The following SVOPL variants were observed in gnomAD, a reference collection of about 807,000 sequenced individuals.
SVOPL encodes SVOP like.
SVOPL carries 60 observed loss-of-function variants against 61.0 expected under a neutral mutation model. The ratio of observed to expected loss-of-function variants is 0.98; its 90% CI spans 0.80 to 1.22. The LOEUF (loss-of-function observed/expected upper bound fraction) is 1.22, where lower values mean the gene tolerates loss of function less well. Among genes scored for constraint, SVOPL ranks in the 50% most tolerant of loss-of-function variants. SVOPL has a pLI of 0.00. For missense variants in SVOPL, 662 were observed against 643.9 expected, an observed-to-expected ratio of 1.03 and a Z score of -0.30; for synonymous variants, 279 against 250.0, an observed-to-expected ratio of 1.12 and a Z score of -1.09.
intron 14 of SVOPL, among the ~76,000 whole-genome samples, chr7:138,618,952 G>A (rs969479016): frequency 6.6e-6 from 1 of 152,152 alleles, no homozygotes; most frequent in African/African-American, 2.4e-5. Flanking sequence ...GTCCCAGCTG[G>A]GTTCTTTCCT....
intron 14 of SVOPL, among the ~76,000 whole-genome samples, chr7:138,615,560 C>CAA (rs770404185): frequency 0.016 from 86 of 5,528 alleles, 20 homozygotes; most frequent in African/African-American, 0.025. Context: ...ACTCCGTCTC[C>CAA]AAAAAAAAAA....
chr7:138,642,831 C>CAAAAAAAAAAAAAAAAAAAAAAAAAAA (rs749603417), intron 9 of SVOPL, among the ~76,000 whole-genome samples: 6 of 26,908 alleles, frequency 2.2e-4, no homozygotes, highest in South Asian at 2.0e-3. Context: ...CTCCTACCTC[C>CAAAAAAAAAAAAAAAAAAAAAAAAAAA]AAAAAAAAAA....
chr7:138,635,571 T>C (rs1408353545), intron 9 of SVOPL, among the ~76,000 whole-genome samples: 1 of 151,764 alleles, frequency 6.6e-6, no homozygotes, highest in African/African-American at 2.4e-5. Context: ...AAATATGAGA[T>C]TTACACACTT....
chr7:138,646,116 C>T (rs1801097020), intron 8 of SVOPL: 1 of 193,068 alleles, frequency 5.2e-6, no homozygotes, highest in Non-Finnish European at 1.1e-5. Flanking sequence ...GCCCGGCTGG[C>T]TTGTTTTTCT....
chr7:138,653,492 G>C (rs1801536527), intron 7 of SVOPL, among the ~76,000 whole-genome samples: 1 of 152,006 alleles, frequency 6.6e-6, no homozygotes, highest in African/African-American at 2.4e-5. Context: ...AATATCCTAG[G>C]GCCCTTAAGA....
intron 4 of SVOPL, among the ~76,000 whole-genome samples, chr7:138,670,428 C>T (rs1802386205): frequency 6.6e-6 from 1 of 152,122 alleles, no homozygotes; most frequent in African/African-American, 2.4e-5. Context: ...CTAAGATTGG[C>T]TTTTTGAGAA....
At chr7:138,610,770 C>CCT (rs1798964976) in intron 14 of SVOPL, among the ~76,000 whole-genome samples, 1 of 152,210 alleles carries the variant, frequency 6.6e-6, no homozygotes, top group African/African-American at 2.4e-5. Flanking sequence ...CCTTGAAGGG[C>CCT]CTCCCTGAGA....
chr7:138,604,023 G>T (rs1251288886), intron 14 of SVOPL, among the ~76,000 whole-genome samples: 2 of 147,158 alleles, frequency 1.4e-5, no homozygotes, highest in African/African-American at 2.5e-5. Flanking sequence ...GAGTGCAGTG[G>T]TGTGGTCACG....
chr7:138,623,664 AAT>A (rs1366611737), intron 13 of SVOPL, among the ~76,000 whole-genome samples: 18 of 152,272 alleles, frequency 1.2e-4, no homozygotes, highest in Admixed American at 7.9e-4. Context: ...CAAATTCCAC[AAT>A]ATGTTTGACT....
intron 1 of SVOPL, among the ~76,000 whole-genome samples, chr7:138,685,136 T>C (rs541840529): frequency 1.2e-4 from 19 of 152,148 alleles, no homozygotes; most frequent in African/African-American, 4.6e-4. Context: ...TTCACCATGT[T>C]GGTCAGGCTG....
In SVOPL at chr7:138,656,919, G is replaced by A. The variant is rs548635360; in HGVS notation, c.471-408C>T. Reference sequence around the variant, plus strand: ...TAGCTGGGTGTGGTGGCGCATGCCTGTAGTCCCAGCTACTCAAGAGCCTGA... The same window carrying A: ...TAGCTGGGTGTGGTGGCGCATGCCTATAGTCCCAGCTACTCAAGAGCCTGA... On this transcript the variant is annotated intron_variant, in intron 6 of 15. Transcript: ENST00000674285. Among the ~76,000 whole-genome samples, 10 of 152,218 alleles carry A rather than the reference G, an allele frequency of 6.6e-5. No homozygotes were observed. The South Asian group carries it at 1.0e-3, about 16-fold the overall frequency.
At chr7:138,633,518 T>C (rs1800315610) in intron 9 of SVOPL, among the ~76,000 whole-genome samples, 1 of 152,170 alleles carries the variant, frequency 6.6e-6, no homozygotes, top group Non-Finnish European at 1.5e-5. Context: ...TCCTGAGGCC[T>C]CACCAGAAGC....
At chr7:138,699,809 A>C (rs1032088835) in intron 1 of SVOPL, among the ~76,000 whole-genome samples, 1 of 152,222 alleles carries the variant, frequency 6.6e-6, no homozygotes, top group African/African-American at 2.4e-5. Flanking sequence ...CCACCGGAAC[A>C]GCGTTCAGTG....
intron 1 of SVOPL, among the ~76,000 whole-genome samples, chr7:138,690,484 A>G (rs566227333): frequency 7.3e-4 from 111 of 152,360 alleles, no homozygotes; most frequent in African/African-American, 2.5e-3. Flanking sequence ...TGGAGTTCTG[A>G]TACTTGCTGC....
chr7:138,649,404 A>C (rs1347394456), intron 7 of SVOPL, among the ~76,000 whole-genome samples: 2 of 151,616 alleles, frequency 1.3e-5, no homozygotes, highest in Non-Finnish European at 2.9e-5. Context: ...AATGATTCTC[A>C]TGCCTCAGCC....
At chr7:138,654,935 A>C (rs1043230785) in intron 7 of SVOPL, among the ~76,000 whole-genome samples, 15 of 150,788 alleles carry the variant, frequency 9.9e-5, no homozygotes, top group Non-Finnish European at 1.9e-4. Flanking sequence ...TCATGCCTGT[A>C]ATCCCAGCAC....
At chr7:138,665,744 C>A (rs1400606061) in intron 4 of SVOPL, among the ~76,000 whole-genome samples, 3 of 152,040 alleles carry the variant, frequency 2.0e-5, no homozygotes, top group African/African-American at 7.2e-5. Context: ...GGGTACAGAT[C>A]AGTTAGAATT....
chr7:138,663,507 G>A, intron 4 of SVOPL: 1 of 1,025,522 alleles, frequency 9.8e-7, no homozygotes, highest in Non-Finnish European at 1.2e-6. Context: ...CACAAATTGG[G>A]GCCACTAGAA....
intron 7 of SVOPL, among the ~76,000 whole-genome samples, chr7:138,651,199 G>C (rs984862352): frequency 6.6e-6 from 1 of 152,136 alleles, no homozygotes; most frequent in African/African-American, 2.4e-5. Context: ...CGGTGTGGAA[G>C]AAAGTTTATC....
Sources: gnomAD v4.1 joint callset for allele counts (sites outside exome capture counted in the v4.1 genomes callset) on GRCh38, gnomAD v4.1.1 for gene constraint, MANE v1.5 for transcripts, NCBI Gene and HGNC (gene_info 2026-07-23, HGNC 2026-07-21) for gene names.